RSRC1: variants seen among roughly 807,000 people sequenced by gnomAD.
RSRC1 encodes the protein serine/Arginine-related protein 53.
In RSRC1, 39 loss-of-function variants were observed where a neutral mutation model predicts 49.1. The observed-to-expected ratio is 0.79, with a 90% CI of 0.61 to 1.04. The LOEUF is 1.04. Among genes scored for constraint, RSRC1 ranks in the 50% least tolerant of loss-of-function variants. The pLI, the probability that RSRC1 is intolerant of heterozygous loss-of-function variation, is 0.00. For synonymous variants in RSRC1, 143 were observed against 130.8 expected (o/e 1.09, Z -0.63); for missense variants, 388 against 402.4 (o/e 0.96, Z 0.31).
intron 4 of RSRC1, among the ~76,000 whole-genome samples, chr3:158,221,697 C>G (rs973029825): frequency 6.6e-6 from 1 of 151,452 alleles, no homozygotes; most frequent in Non-Finnish European, 1.5e-5. Flanking sequence ...AAGTAGATGC[C>G]TTTCCTATGC....
chr3:158,280,108 A>G (rs754531792), intron 4 of RSRC1, among the ~76,000 whole-genome samples: 7 of 152,112 alleles, frequency 4.6e-5, no homozygotes, highest in African/African-American at 7.2e-5. Flanking sequence ...TCTTTATTCA[A>G]ATTTCCTAGT....
intron 4 of RSRC1, among the ~76,000 whole-genome samples, chr3:158,261,786 A>G (rs940297790): frequency 2.6e-5 from 4 of 152,336 alleles, no homozygotes; most frequent in Middle Eastern, 3.4e-3. Flanking sequence ...ATTGTCTCCC[A>G]TCACCACCAG....
chr3:158,176,284 A>T (rs1578165462), intron 3 of RSRC1, among the ~76,000 whole-genome samples: 1 of 152,236 alleles, frequency 6.6e-6, no homozygotes, highest in Non-Finnish European at 1.5e-5. Flanking sequence ...TTTTCTTCAC[A>T]GAATTGGAAA....
chr3:158,296,005 A>G (rs1727214865), intron 4 of RSRC1, among the ~76,000 whole-genome samples: 1 of 152,040 alleles, frequency 6.6e-6, no homozygotes. Flanking sequence ...GCTGCATCAG[A>G]CCCTGCTGGC....
intron 1 of RSRC1, among the ~76,000 whole-genome samples, chr3:158,112,309 A>T (rs1042209128): frequency 2.0e-5 from 3 of 152,242 alleles, no homozygotes; most frequent in African/African-American, 7.2e-5. Context: ...TATGTAATAT[A>T]AATTGATTAC....
chr3:158,511,603 A>G (rs1488469943), intron 7 of RSRC1, among the ~76,000 whole-genome samples: 1 of 152,212 alleles, frequency 6.6e-6, no homozygotes, highest in Non-Finnish European at 1.5e-5. Flanking sequence ...GTGTCTTTAT[A>G]GCAGCATGAT....
rs1373974276 is a variant in RSRC1, at chr3:158,517,632, G to T, written c.653-19460G>T. ...TTTAGAGACAGGGTCTTGCTGTGTT[G>T]CCCCAGGTAGAGTGCAGTGGCATGA... On this transcript the variant is annotated intron_variant, in intron 7 of 9. Transcript: ENST00000611884. Among the ~76,000 whole-genome samples, 6 of 149,516 alleles carry T rather than the reference G, an allele frequency of 4.0e-5. No homozygotes were observed. In the East Asian group the frequency reaches 9.8e-4, roughly 24 times the overall value.
chr3:158,417,420 A>T (rs925653344), intron 6 of RSRC1, among the ~76,000 whole-genome samples: 1 of 152,008 alleles, frequency 6.6e-6, no homozygotes, highest in South Asian at 2.1e-4. Context: ...TGTAGCTTTT[A>T]TGTAGAAATC....
At position 158,422,465 on chromosome 3, in the gene RSRC1, C is replaced by T. The variant is rs1267903186; in HGVS notation, c.584-38470C>T. ...GTATATGTGCCACATTTTCTTAATC[C>T]AGTCTATCATTGTTGGACATTTGGG... On this transcript the variant is annotated intron_variant, in intron 6 of 9. Coordinates refer to ENST00000611884, the MANE Select transcript of RSRC1 (RefSeq NM_001271838.2). Among the ~76,000 whole-genome samples the T allele has an allele frequency of 1.7e-4, 26 of 151,370 alleles. No homozygotes were observed. In the East Asian group the frequency reaches 2.7e-3, roughly 16 times the overall value.
chr3:158,145,720 G>A (rs1044506055), intron 3 of RSRC1, among the ~76,000 whole-genome samples: 1 of 152,078 alleles, frequency 6.6e-6, no homozygotes, highest in Admixed American at 6.6e-5. Context: ...AATTACCTTG[G>A]GCAGTATGGC....
chr3:158,354,833 A>AT, intron 5 of RSRC1, 24 bp from the exon 6 acceptor site: 3 of 1,510,400 alleles, frequency 2.0e-6, no homozygotes, highest in Non-Finnish European at 2.7e-6. Context: ...TGTATGGTTG[A>AT]ATTTTTTTTT....
chr3:158,414,289 C>A (rs1376114565), intron 6 of RSRC1, among the ~76,000 whole-genome samples: 1 of 152,068 alleles, frequency 6.6e-6, no homozygotes, highest in East Asian at 1.9e-4. Flanking sequence ...CCTCAGCAGA[C>A]TAACACAGGA....
chr3:158,468,710 C>G (rs967985308), intron 7 of RSRC1, among the ~76,000 whole-genome samples: 2 of 152,076 alleles, frequency 1.3e-5, no homozygotes, highest in East Asian at 3.9e-4. Flanking sequence ...TACTTCAACT[C>G]TCTATAAAAT....
At chr3:158,127,460 T>C (rs561400686) in intron 3 of RSRC1, among the ~76,000 whole-genome samples, 1 of 152,164 alleles carries the variant, frequency 6.6e-6, no homozygotes, top group East Asian at 1.9e-4. Flanking sequence ...CGTTTGCTAC[T>C]GAACCTCTCT....
At chr3:158,542,738 G>A (rs1032081705) in intron 8 of RSRC1, among the ~76,000 whole-genome samples, 1 of 152,092 alleles carries the variant, frequency 6.6e-6, no homozygotes, top group African/African-American at 2.4e-5. Context: ...TTCTAAAGTT[G>A]ATTCTGGTAA....
At chr3:158,279,540 C>T (rs943388012) in intron 4 of RSRC1, among the ~76,000 whole-genome samples, 7 of 152,162 alleles carry the variant, frequency 4.6e-5, no homozygotes, top group Non-Finnish European at 1.0e-4. Flanking sequence ...AATAAGCTAG[C>T]GCACTTTTAA....
intron 7 of RSRC1, among the ~76,000 whole-genome samples, chr3:158,525,109 G>C (rs1711925688): frequency 6.6e-6 from 1 of 151,808 alleles, no homozygotes; most frequent in African/African-American, 2.4e-5. Context: ...TTCTTTGAAA[G>C]ATACCATTAA....
At chr3:158,398,353 T>G (rs1733717246) in intron 6 of RSRC1, among the ~76,000 whole-genome samples, 1 of 151,918 alleles carries the variant, frequency 6.6e-6, no homozygotes, top group South Asian at 2.1e-4. Context: ...AGTCCAAGAT[T>G]AAGGCACCAG....
intron 3 of RSRC1, among the ~76,000 whole-genome samples, chr3:158,177,233 G>A (rs973163270): frequency 6.6e-6 from 1 of 152,198 alleles, no homozygotes; most frequent in Non-Finnish European, 1.5e-5. Flanking sequence ...AGACGGTGTG[G>A]TGATTCATCG....
Sources: allele counts gnomAD v4.1 joint callset (sites outside exome capture counted in the v4.1 genomes callset), GRCh38; gene constraint gnomAD v4.1.1; transcripts MANE v1.5; gene names NCBI Gene and HGNC (gene_info 2026-07-23, HGNC 2026-07-21).